PRKCI: variants seen among roughly 807,000 people sequenced by gnomAD.
PRKCI encodes protein kinase C iota type.
PRKCI carries 43 observed loss-of-function variants against 84.0 expected under a neutral mutation model. The ratio of observed to expected loss-of-function variants is 0.51; its 90% CI spans 0.40 to 0.66. The LOEUF (loss-of-function observed/expected upper bound fraction) is 0.66, where lower values mean the gene tolerates loss of function less well. Among genes scored for constraint, PRKCI ranks in the 30% least tolerant of loss-of-function variants. The pLI is 0.00. For synonymous variants in PRKCI, 216 were observed against 234.4 expected, an observed-to-expected ratio of 0.92 and a Z score of 0.72; for missense variants, 459 against 745.6, an observed-to-expected ratio of 0.62 and a Z score of 4.48.
intron 1 of PRKCI, among the ~76,000 whole-genome samples, chr3:170,225,572 CT>C (rs149893996): frequency 2.2e-3 from 320 of 142,472 alleles, no homozygotes; most frequent in Middle Eastern, 3.6e-3. Context: ...CTTTTCTTTT[CT>C]TTTTTTTTTT....
rs935811905 is a variant in PRKCI, at chr3:170,223,896, G to A, written c.101+1126G>A. Among the ~76,000 whole-genome samples the A allele has an allele frequency of 2.7e-5, 4 of 149,916 alleles. 1 individual carries two copies. In the Admixed American group the frequency reaches 2.7e-4, roughly 10 times the overall value. On this transcript the variant is annotated intron_variant, in intron 1 of 17. Coordinates refer to ENST00000295797, the MANE Select transcript of PRKCI (RefSeq NM_002740.6). ...AAGAAAATCTGAGCCCCTAAATGTTGTATTGATTTGATGTAAGGACTTTTT... is the reference window on the plus strand; with the variant it reads ...AAGAAAATCTGAGCCCCTAAATGTTATATTGATTTGATGTAAGGACTTTTT...
intron 12 of PRKCI, 101 bp downstream of exon 12, chr3:170,284,697 C>T (rs755593676): frequency 2.8e-5 from 38 of 1,346,732 alleles, no homozygotes; most frequent in Non-Finnish European, 3.6e-5. Context: ...ACTAATTTTG[C>T]TAATTTACTT....
Position 170,263,377 on chromosome 3 carries a change from A to C in PRKCI, c.314-2A>C. On this transcript the variant is annotated splice_acceptor_variant, in intron 3 of 17. Coordinates refer to ENST00000295797, the MANE Select transcript of PRKCI (RefSeq NM_002740.6). LOFTEE classifies it high-confidence loss of function. ...AACTCATGTTCGTTTATTTTCTTTC[A>C]GTGTTCCCTTGTGTACCAGAACGTC... 1 of 1,598,180 alleles carries C rather than the reference A, an allele frequency of 6.3e-7. No individual in the cohort carries two copies. Among genetic ancestry groups the C allele is most frequent in the Non-Finnish European group, 8.6e-7 (1 of 1,165,796 alleles).
intron 4 of PRKCI, among the ~76,000 whole-genome samples, chr3:170,265,203 G>GAAAA (rs1324445268): frequency 6.7e-6 from 1 of 149,076 alleles, no homozygotes; most frequent in African/African-American, 2.5e-5. Flanking sequence ...AAAAAAAAAA[G>GAAAA]AAAAAAACTG....
intron 2 of PRKCI, among the ~76,000 whole-genome samples, chr3:170,242,095 G>A (rs1442281701): frequency 6.6e-6 from 1 of 151,950 alleles, no homozygotes; most frequent in East Asian, 1.9e-4. Context: ...GGCAACAATA[G>A]CAAAACTCCG....
intron 12 of PRKCI, among the ~76,000 whole-genome samples, chr3:170,287,926 AAAAAG>A (rs1285310934): frequency 1.3e-5 from 2 of 150,624 alleles, no homozygotes; most frequent in African/African-American, 4.9e-5. Flanking sequence ...AAAAAAAAAA[AAAAAG>A]AAAATCACAA....
intron 2 of PRKCI, among the ~76,000 whole-genome samples, chr3:170,246,727 C>T (rs1733297827): frequency 6.6e-6 from 1 of 152,180 alleles, no homozygotes; most frequent in Admixed American, 6.5e-5. Context: ...GGTATAAGCA[C>T]ATTCACAGTG....
chr3:170,269,958 C>CAAAA (rs550260990), intron 5 of PRKCI, among the ~76,000 whole-genome samples: 3 of 132,762 alleles, frequency 2.3e-5, no homozygotes, highest in African/African-American at 8.1e-5. Context: ...AACTCTGTCT[C>CAAAA]AAAAAAAAAA....
At chr3:170,293,322 A>G in intron 13 of PRKCI, 61 bp from the exon 14 acceptor site, 2 of 1,476,010 alleles carry the variant, frequency 1.4e-6, no homozygotes, top group South Asian at 2.6e-5. Context: ...TAAAATTTCC[A>G]GTTACTAACT....
intron 7 of PRKCI, among the ~76,000 whole-genome samples, chr3:170,274,545 A>T (rs1386696686): frequency 6.6e-6 from 1 of 152,234 alleles, no homozygotes; most frequent in Non-Finnish European, 1.5e-5. Context: ...AAAACGTTAG[A>T]TAGATACAAA....
chr3:170,236,576 A>T (rs1732981356), intron 2 of PRKCI, among the ~76,000 whole-genome samples: 1 of 152,286 alleles, frequency 6.6e-6, no homozygotes, highest in African/African-American at 2.4e-5. Context: ...TACTCAGAAA[A>T]CATTTATCAT....
intron 2 of PRKCI, among the ~76,000 whole-genome samples, chr3:170,244,515 C>G (rs1464582920): frequency 6.6e-6 from 1 of 152,116 alleles, no homozygotes; most frequent in African/African-American, 2.4e-5. Context: ...TCTGGCTGTT[C>G]ATTTGTATCC....
At chr3:170,281,074 C>T (rs1217710548) in intron 9 of PRKCI, 92 bp from the exon 10 acceptor site, 2 of 967,002 alleles carry the variant, frequency 2.1e-6, no homozygotes, top group Non-Finnish European at 3.2e-6. Context: ...CCTAGTTAAC[C>T]ATTGCATTTG....
Position 170,304,559 on chromosome 3 carries a change from A to G in PRKCI, c.*1432A>G, listed in dbSNP as rs1294069273. Reference sequence around the variant, plus strand: ...GTAGGCATGAATAAATGTTCAGGACACACACATACACTCACACACATCACA... The same window carrying G: ...GTAGGCATGAATAAATGTTCAGGACGCACACATACACTCACACACATCACA... On this transcript the variant is annotated 3_prime_UTR_variant, in exon 18 of 18. Transcript: ENST00000295797. The G allele has an allele frequency of 2.0e-5, 3 of 152,220 alleles. No homozygotes were observed. The highest frequency in any genetic ancestry group is 1.5e-5 in the Non-Finnish European group (1 of 68,038). 9.4% of individuals were successfully genotyped at this position (152,220 alleles called of 1,614,324 possible).
intron 2 of PRKCI, among the ~76,000 whole-genome samples, chr3:170,239,261 A>T (rs1403594514): frequency 1.3e-5 from 2 of 152,108 alleles, no homozygotes; most frequent in African/African-American, 4.8e-5. Flanking sequence ...TATCTTTTTG[A>T]CCTACCCTAT....
chr3:170,259,942 CCTTTA>C, intron 2 of PRKCI, 22 bp from the exon 3 acceptor site: 1 of 1,462,268 alleles, frequency 6.8e-7, no homozygotes, highest in Non-Finnish European at 9.4e-7. Flanking sequence ...TTTAAAGTGA[CCTTTA>C]CTTTACTTTT....
intron 8 of PRKCI, 24 bp downstream of exon 8, chr3:170,275,311 C>CATTA: frequency 6.4e-7 from 1 of 1,568,436 alleles, no homozygotes; most frequent in South Asian, 1.2e-5. Context: ...TCTTATTGTA[C>CATTA]ATTATATCAT....
intron 3 of PRKCI, among the ~76,000 whole-genome samples, chr3:170,262,832 CTTTTTTTT>C (rs748452040): frequency 7.5e-6 from 1 of 133,024 alleles, no homozygotes. Context: ...TTCTTTCTTT[CTTTTTTTT>C]TTTTTTTTTT....
At chr3:170,242,548 TC>T (rs1176137612) in intron 2 of PRKCI, among the ~76,000 whole-genome samples, 1 of 151,488 alleles carries the variant, frequency 6.6e-6, no homozygotes. Context: ...TATATAGTTT[TC>T]CTTTATAATG....
Sources: gnomAD v4.1 joint callset for allele counts (sites outside exome capture counted in the v4.1 genomes callset) on GRCh38, gnomAD v4.1.1 for gene constraint, MANE v1.5 for transcripts, NCBI Gene and HGNC (gene_info 2026-07-23, HGNC 2026-07-21) for gene names.